Variants in NKAIN2 observed in about 807,000 individuals in gnomAD.
NKAIN2 encodes the protein sodium/potassium transporting ATPase interacting 2.
A neutral mutation model predicts 32.6 loss-of-function variants in NKAIN2; 14 were observed. The observed-to-expected ratio is 0.43, with a 90% confidence interval of 0.28 to 0.67. The LOEUF is 0.67. NKAIN2 is among the 30% of genes least tolerant of loss of function. The probability of loss-of-function intolerance (pLI) is 0.17; values close to 1 mark genes in which losing one functional copy is unlikely to be tolerated. For missense variants in NKAIN2, 198 were observed against 258.3 expected, an observed-to-expected ratio of 0.77 and a Z score of 1.60; for synonymous variants, 80 against 87.2, an observed-to-expected ratio of 0.92 and a Z score of 0.46.
At chr6:124,125,870 A>T (rs1786139250) in intron 1 of NKAIN2, among the ~76,000 whole-genome samples, 1 of 152,134 alleles carries the variant, frequency 6.6e-6, no homozygotes. Flanking sequence ...ACAACACTGC[A>T]TTCTCAGGAG....
At chr6:124,335,621 A>T (rs1244908931) in intron 2 of NKAIN2, among the ~76,000 whole-genome samples, 2 of 152,110 alleles carry the variant, frequency 1.3e-5, no homozygotes, top group African/African-American at 4.8e-5. Flanking sequence ...TACAACTACC[A>T]CACATCTACC....
intron 4 of NKAIN2, among the ~76,000 whole-genome samples, chr6:124,711,532 T>G (rs534351445): frequency 6.6e-6 from 1 of 151,396 alleles, no homozygotes; most frequent in East Asian, 1.9e-4. Flanking sequence ...TTATTCTTTT[T>G]TCTCTAAACT....
intron 4 of NKAIN2, among the ~76,000 whole-genome samples, chr6:124,720,732 C>T (rs1269237832): frequency 6.6e-6 from 1 of 152,126 alleles, no homozygotes; most frequent in Non-Finnish European, 1.5e-5. Flanking sequence ...ACCTCAGTCC[C>T]AGTGACCACA....
chr6:123,853,310 G>A (rs1055943419), intron 1 of NKAIN2, among the ~76,000 whole-genome samples: 2 of 152,146 alleles, frequency 1.3e-5, no homozygotes, highest in African/African-American at 4.8e-5. Flanking sequence ...TCTGTAAAGT[G>A]CAATGCATTT....
At chr6:124,180,106 C>G (rs920507479) in intron 1 of NKAIN2, among the ~76,000 whole-genome samples, 1 of 151,656 alleles carries the variant, frequency 6.6e-6, no homozygotes, top group African/African-American at 2.4e-5. Context: ...AAATAGATAT[C>G]TACTGTGTGT....
intron 2 of NKAIN2, among the ~76,000 whole-genome samples, chr6:124,312,597 C>T (rs74487515): frequency 0.071 from 10,813 of 152,180 alleles, 1,324 homozygotes; most frequent in African/African-American, 0.25. Flanking sequence ...TCGGTGCCCT[C>T]GCTGAGTGTG....
chr6:124,261,099 A>G (rs2753138), intron 1 of NKAIN2, among the ~76,000 whole-genome samples: 52,588 of 152,064 alleles, frequency 0.35, 11,300 homozygotes, highest in African/African-American at 0.6. Flanking sequence ...AAAATAGCAT[A>G]AAAGATTGGC....
At chr6:124,072,466 G>GA (rs1783505595) in intron 1 of NKAIN2, among the ~76,000 whole-genome samples, 1 of 151,870 alleles carries the variant, frequency 6.6e-6, no homozygotes, top group African/African-American at 2.4e-5. Context: ...TAAAAGAGAA[G>GA]TTGAAATTAT....
At chr6:124,329,687 C>T (rs1797572917) in intron 2 of NKAIN2, among the ~76,000 whole-genome samples, 1 of 152,208 alleles carries the variant, frequency 6.6e-6, no homozygotes. Context: ...GACACCTACA[C>T]TTGCACAGTA....
chr6:124,491,611 T>C (rs1777865632), intron 3 of NKAIN2, among the ~76,000 whole-genome samples: 1 of 151,866 alleles, frequency 6.6e-6, no homozygotes, highest in Non-Finnish European at 1.5e-5. Context: ...CAGCTAGTTA[T>C]GTGTCCTGAA....
intron 1 of NKAIN2, among the ~76,000 whole-genome samples, chr6:123,883,086 T>G (rs1453593529): frequency 6.6e-6 from 1 of 152,150 alleles, no homozygotes; most frequent in Non-Finnish European, 1.5e-5. Flanking sequence ...AGGGGCTTGG[T>G]GGGAGGTGGT....
At chr6:124,430,679 A>G (rs1775179395) in intron 3 of NKAIN2, among the ~76,000 whole-genome samples, 1 of 152,184 alleles carries the variant, frequency 6.6e-6, no homozygotes, top group Admixed American at 6.6e-5. Context: ...CAAAAAAAAA[A>G]AATGGTGGAA....
At chr6:124,091,429 A>G (rs1426461493) in intron 1 of NKAIN2, among the ~76,000 whole-genome samples, 1 of 152,004 alleles carries the variant, frequency 6.6e-6, no homozygotes, top group Non-Finnish European at 1.5e-5. Context: ...GATTTGAGAA[A>G]AATACAAATT....
chr6:124,319,675 G>A (rs977604307), intron 2 of NKAIN2, among the ~76,000 whole-genome samples: 6 of 151,876 alleles, frequency 4.0e-5, no homozygotes, highest in African/African-American at 1.2e-4. Context: ...ATACATGCTG[G>A]GAAAATAAAT....
intron 1 of NKAIN2, among the ~76,000 whole-genome samples, chr6:124,034,001 T>G (rs1781507977): frequency 6.6e-6 from 1 of 152,136 alleles, no homozygotes; most frequent in Non-Finnish European, 1.5e-5. Flanking sequence ...GATAACAGCA[T>G]GTTTTATTCA....
intron 3 of NKAIN2, among the ~76,000 whole-genome samples, chr6:124,552,148 A>T (rs1780311558): frequency 6.6e-6 from 1 of 151,998 alleles, no homozygotes; most frequent in Non-Finnish European, 1.5e-5. Flanking sequence ...ACATGCAGAA[A>T]CTCTCATTTC....
rs1022235163 is a variant in NKAIN2, at chr6:124,159,123, A to G, written c.55-123882A>G. Among the ~76,000 whole-genome samples, 6 of 152,268 alleles carry G rather than the reference A, an allele frequency of 3.9e-5. No homozygotes were observed. In the East Asian group the frequency reaches 1.2e-3, roughly 29 times the overall value. On this transcript the variant is annotated intron_variant, in intron 1 of 6. Transcript: ENST00000368417. ...CACTCACTTCCATATTTGTTTCTCT[A>G]TACATTTCCATATTTGTTTCTCCAT...
chr6:123,966,026 C>T (rs796373624), intron 1 of NKAIN2, among the ~76,000 whole-genome samples: 13 of 152,258 alleles, frequency 8.5e-5, no homozygotes, highest in African/African-American at 3.1e-4. Flanking sequence ...TAAGATCAAC[C>T]CTTCTAAATC....
intron 1 of NKAIN2, among the ~76,000 whole-genome samples, chr6:124,252,106 G>A (rs1170701489): frequency 6.6e-6 from 1 of 151,978 alleles, no homozygotes; most frequent in Non-Finnish European, 1.5e-5. Flanking sequence ...ATTTGCAACA[G>A]CATGTGTGCA....
Sources: allele counts gnomAD v4.1 joint callset (sites outside exome capture counted in the v4.1 genomes callset), GRCh38; gene constraint gnomAD v4.1.1; transcripts MANE v1.5; gene names NCBI Gene and HGNC (gene_info 2026-07-23, HGNC 2026-07-21).